Variants in ARHGEF37 observed in about 807,000 individuals in gnomAD.
The protein encoded by ARHGEF37 is Rho guanine nucleotide exchange factor (GEF) 37.
In ARHGEF37, 55 loss-of-function variants were observed where a neutral mutation model predicts 71.1. That is an observed-to-expected ratio of 0.77 (90% CI 0.62 to 0.97). The LOEUF (loss-of-function observed/expected upper bound fraction) is 0.97, where lower values mean the gene tolerates loss of function less well. Among genes scored for constraint, ARHGEF37 ranks in the 50% least tolerant of loss-of-function variants. The pLI is 0.00. For missense variants in ARHGEF37, 765 were observed against 836.8 expected, an observed-to-expected ratio of 0.91 and a Z score of 1.06; for synonymous variants, 327 against 350.6, an observed-to-expected ratio of 0.93 and a Z score of 0.75.
chr5:149,597,633 A>ATCTT, intron 1 of ARHGEF37, 126 bp from the exon 2 acceptor site: 1 of 812,334 alleles, frequency 1.2e-6, no homozygotes, highest in Non-Finnish European at 1.9e-6. Context: ...TAAACAGTTC[A>ATCTT]TCTTGACTCT....
chr5:149,608,853 T>G (rs1391417352), intron 3 of ARHGEF37, among the ~76,000 whole-genome samples: 1 of 152,040 alleles, frequency 6.6e-6, no homozygotes, highest in Admixed American at 6.6e-5. Flanking sequence ...AATTGGGGAT[T>G]TGTTGTGCTT....
chr5:149,630,197 C>A (rs1424683947), intron 12 of ARHGEF37, among the ~76,000 whole-genome samples: 1 of 152,176 alleles, frequency 6.6e-6, no homozygotes, highest in Non-Finnish European at 1.5e-5. Context: ...TGAATTATAT[C>A]TGAAAAGTAA....
chr5:149,574,310 C>T (rs1029647873), intron 1 of ARHGEF37, among the ~76,000 whole-genome samples: 1 of 152,158 alleles, frequency 6.6e-6, no homozygotes, highest in Non-Finnish European at 1.5e-5. Flanking sequence ...ATCATTCAGA[C>T]AATACTTGGA....
In ARHGEF37 at chr5:149,621,749, G is replaced by A. The variant is rs746564506; in HGVS notation, c.1022G>A (p.Gly341Asp). ...AFLKFKQRLEGLVWQPLCSLA... is the reference protein window; with the variant it reads ...AFLKFKQRLEDLVWQPLCSLA... ...TCCCCACAGAAGCAACGGCTAGAAG[G>A]CCTGGTGTGGCAGCCACTGTGCAGC... The change falls in exon 9 of 13, where the codon GGC becomes GAC. Residue 341 changes from glycine (G) to aspartate (D), a missense_variant. This residue lies in a region of ARHGEF37 where 4 missense variants were observed against 18.4 expected (regional missense o/e 0.22). Coordinates refer to ENST00000333677, the MANE Select transcript of ARHGEF37 (RefSeq NM_001001669.3). The A allele has an allele frequency of 8.7e-6, 14 of 1,612,306 alleles. No individual in the cohort carries two copies. Among genetic ancestry groups the A allele is most frequent in the Non-Finnish European group, 1.2e-5 (14 of 1,178,716 alleles).
chr5:149,576,166 GC>G (rs754708692), intron 1 of ARHGEF37, among the ~76,000 whole-genome samples: 4 of 152,346 alleles, frequency 2.6e-5, no homozygotes, highest in Non-Finnish European at 5.9e-5. Context: ...AATCTCCTGA[GC>G]CTGGGAAGCG....
At chr5:149,611,563 C>T (rs1005889226) in intron 4 of ARHGEF37, among the ~76,000 whole-genome samples, 12 of 152,222 alleles carry the variant, frequency 7.9e-5, no homozygotes, top group African/African-American at 2.9e-4. Context: ...GCTCTGTAGC[C>T]GAGCTCCATG....
intron 3 of ARHGEF37, among the ~76,000 whole-genome samples, chr5:149,608,709 TAGAG>T (rs1763986384): frequency 1.3e-5 from 2 of 151,914 alleles, no homozygotes; most frequent in African/African-American, 4.8e-5. Flanking sequence ...GATGAGAAAA[TAGAG>T]AGCTAGAGGA....
At chr5:149,563,762 G>T (rs562136171) in intron 1 of ARHGEF37, among the ~76,000 whole-genome samples, 1 of 152,230 alleles carries the variant, frequency 6.6e-6, no homozygotes, top group South Asian at 2.1e-4. Flanking sequence ...GTATCTTCGT[G>T]TAGAAGATTC....
chr5:149,609,784 G>A (rs748193564), intron 4 of ARHGEF37, 89 bp downstream of exon 4: 480 of 1,551,618 alleles, frequency 3.1e-4, no homozygotes, highest in African/African-American at 5.4e-4. Context: ...CATGCCATTC[G>A]TGCTGCTTCA....
At chr5:149,579,451 C>T (rs1763064463), upstream of ARHGEF37, among the ~76,000 whole-genome samples, 1 of 152,128 alleles carries the variant, frequency 6.6e-6, no homozygotes, top group African/African-American at 2.4e-5. Flanking sequence ...TTGAAGAGAA[C>T]CTTAGAGATC....
chr5:149,587,894 CTTTTTTT>C (rs3994917), intron 1 of ARHGEF37, among the ~76,000 whole-genome samples: 2 of 129,164 alleles, frequency 1.5e-5, no homozygotes, highest in African/African-American at 3.0e-5. Flanking sequence ...TCCCTTTAGT[CTTTTTTT>C]TTTTTTTTTT....
intron 7 of ARHGEF37, among the ~76,000 whole-genome samples, chr5:149,619,250 A>G (rs1752466823): frequency 6.6e-6 from 1 of 152,164 alleles, no homozygotes; most frequent in African/African-American, 2.4e-5. Flanking sequence ...AGCCCATTGG[A>G]GTTCCTACCA....
intron 1 of ARHGEF37, among the ~76,000 whole-genome samples, chr5:149,585,171 G>T (rs1395809400): frequency 6.6e-6 from 1 of 152,182 alleles, no homozygotes; most frequent in Non-Finnish European, 1.5e-5. Context: ...AGAAGGTAGA[G>T]GAACTGGATC....
At chr5:149,560,950 C>A (rs1762821046) in intron 1 of ARHGEF37, among the ~76,000 whole-genome samples, 1 of 151,918 alleles carries the variant, frequency 6.6e-6, no homozygotes. Context: ...TCTCTAACCG[C>A]AAAACATACC....
intron 9 of ARHGEF37, among the ~76,000 whole-genome samples, chr5:149,623,591 G>A (rs961549450): frequency 2.6e-5 from 4 of 152,194 alleles, no homozygotes; most frequent in South Asian, 2.1e-4. Context: ...AGGTGGTCAC[G>A]TTTATAAAAG....
intron 10 of ARHGEF37, among the ~76,000 whole-genome samples, chr5:149,624,678 A>C (rs1467289883): frequency 6.6e-6 from 1 of 152,094 alleles, no homozygotes; most frequent in Non-Finnish European, 1.5e-5. Flanking sequence ...CTGAGGCAGA[A>C]GAATTGCTTT....
intron 4 of ARHGEF37, among the ~76,000 whole-genome samples, chr5:149,613,747 TA>T (rs1752279260): frequency 6.6e-6 from 1 of 150,696 alleles, no homozygotes; most frequent in African/African-American, 2.4e-5. Flanking sequence ...TGGATATTGA[TA>T]TTTCTACAGT....
intron 1 of ARHGEF37, among the ~76,000 whole-genome samples, chr5:149,567,125 G>A (rs902940805): frequency 6.6e-6 from 1 of 152,032 alleles, no homozygotes; most frequent in African/African-American, 2.4e-5. Context: ...CCTTCAATCT[G>A]GAATTTTCAG....
chr5:149,616,467 T>G (rs1253790967), intron 4 of ARHGEF37, 100 bp from the exon 5 acceptor site: 1 of 1,177,898 alleles, frequency 8.5e-7, no homozygotes, highest in African/African-American at 1.5e-5. Flanking sequence ...TTGCCTGAGA[T>G]CACACAGTGA....
Sources: gnomAD v4.1 joint callset for allele counts (sites outside exome capture counted in the v4.1 genomes callset) on GRCh38, gnomAD v4.1.1 for gene constraint, gnomAD v4.1.1 regional missense constraint, MANE v1.5 for transcripts, NCBI Gene and HGNC (gene_info 2026-07-23, HGNC 2026-07-21) for gene names.